SNX29: variants seen among roughly 807,000 people sequenced by gnomAD.
SNX29 encodes sorting nexin-29.
In SNX29, 78 loss-of-function variants were observed where a neutral mutation model predicts 102.1. The ratio of observed to expected loss-of-function variants is 0.76; its 90% CI spans 0.64 to 0.92. SNX29 has a LOEUF of 0.92. Among genes scored for constraint, SNX29 ranks in the 40% least tolerant of loss-of-function variants. The pLI is 0.00. For synonymous variants in SNX29, 580 were observed against 414.5 expected, an observed-to-expected ratio of 1.40 and a Z score of -4.85; for missense variants, 1,280 against 1,061.7, an observed-to-expected ratio of 1.21 and a Z score of -2.86.
chr16:12,078,783 G>T (rs1333030650), intron 10 of SNX29, 50 bp from the exon 11 acceptor site: 8 of 1,490,386 alleles, frequency 5.4e-6, no homozygotes, highest in Non-Finnish European at 7.4e-6. Context: ...TGGTGAGGGT[G>T]TGTACTTTCA....
At position 12,041,853 on chromosome 16, in the gene SNX29, A is replaced by G. The variant is rs140863143; in HGVS notation, c.248-1044A>G. Among the ~76,000 whole-genome samples, 450 of 152,302 alleles carry G rather than the reference A, an allele frequency of 3.0e-3. 3 individuals carry two copies. Among genetic ancestry groups the G allele is most frequent in the African/African-American group, 0.01 (420 of 41,568 alleles). On this transcript the variant is annotated intron_variant, in intron 4 of 20. Transcript: ENST00000566228. The stretch of plus-strand genomic sequence containing the variant: ...GAGAATTCTGGAGCTTAGGACGTCG[A>G]TATGTTTGAGGATTATAATTCAGCC...
intron 13 of SNX29, among the ~76,000 whole-genome samples, chr16:12,152,317 C>G (rs1273650786): frequency 6.6e-6 from 1 of 152,180 alleles, no homozygotes; most frequent in Non-Finnish European, 1.5e-5. Context: ...GTACCAAGCA[C>G]ATGTTGGAAT....
chr16:12,489,939 G>T (rs2088457972), intron 19 of SNX29, among the ~76,000 whole-genome samples: 1 of 152,070 alleles, frequency 6.6e-6, no homozygotes, highest in East Asian at 1.9e-4. Flanking sequence ...CTGAGTAGCT[G>T]GGACTATAGG....
intron 3 of SNX29, among the ~76,000 whole-genome samples, chr16:12,015,637 ACC>A (rs2056823108): frequency 6.8e-6 from 1 of 147,352 alleles, no homozygotes; most frequent in African/African-American, 2.5e-5. Context: ...CCGGGTTCAC[ACC>A]ATTCTCCTGT....
intron 11 of SNX29, chr16:12,090,002 T>C (rs1234782936): frequency 5.3e-6 from 1 of 188,398 alleles, no homozygotes; most frequent in Admixed American, 6.2e-5. Context: ...CCGTGAGTCA[T>C]AGAGCTGTGC....
chr16:12,561,642 C>A (rs1000213167), intron 20 of SNX29, among the ~76,000 whole-genome samples: 2 of 152,186 alleles, frequency 1.3e-5, no homozygotes, highest in Non-Finnish European at 2.9e-5. Context: ...TTAAAAAGAA[C>A]AGCCACTCCT....
intron 11 of SNX29, among the ~76,000 whole-genome samples, chr16:12,118,088 C>G (rs1347799794): frequency 1.3e-5 from 2 of 152,144 alleles, no homozygotes; most frequent in African/African-American, 2.4e-5. Flanking sequence ...CAGAGCGAGA[C>G]TCTGTCTCAA....
At chr16:12,434,628 A>T (rs763253688) in intron 18 of SNX29, among the ~76,000 whole-genome samples, 42 of 152,092 alleles carry the variant, frequency 2.8e-4, no homozygotes, top group Admixed American at 7.9e-4. Context: ...CCACCCAAAG[A>T]CAGTTCCTCC....
At chr16:12,048,228 A>G (rs529673568) in intron 6 of SNX29, 144 bp from the exon 7 acceptor site, 4 of 1,197,194 alleles carry the variant, frequency 3.3e-6, no homozygotes, top group East Asian at 4.8e-5. Context: ...GCTCCCTGCA[A>G]CGTCCGCATG....
At position 12,563,430 on chromosome 16, in the gene SNX29, A is replaced by T. The variant is rs546004836; in HGVS notation, c.2319-5076A>T. 6.6e-5 allele frequency among the ~76,000 whole-genome samples: 10 copies of T among 152,332 alleles called. No homozygotes were observed. The East Asian group carries it at 1.7e-3, about 26-fold the overall frequency. ...GCGACTGGATTTTGTTCCTTGCGGT[A>T]TGTCCTTTGCAGGTAAATTTAGGAA... is the stretch of plus-strand genomic sequence containing the variant. On this transcript the variant is annotated intron_variant, in intron 20 of 20. Transcript: ENST00000566228.
At chr16:12,233,739 G>T (rs2077840282) in intron 14 of SNX29, among the ~76,000 whole-genome samples, 1 of 151,998 alleles carries the variant, frequency 6.6e-6, no homozygotes, top group African/African-American at 2.4e-5. Context: ...CCCTCACAAA[G>T]AAGCCCATTT....
intron 11 of SNX29, among the ~76,000 whole-genome samples, chr16:12,088,433 TAGAA>T (rs894436775): frequency 2.6e-5 from 4 of 152,076 alleles, no homozygotes; most frequent in African/African-American, 9.7e-5. Flanking sequence ...TTCTTATACT[TAGAA>T]AGGATTTTTA....
chr16:12,396,573 T>C (rs1250637090), intron 16 of SNX29, among the ~76,000 whole-genome samples: 1 of 152,188 alleles, frequency 6.6e-6, no homozygotes, highest in East Asian at 1.9e-4. Context: ...AGAGCAGCCC[T>C]ACAGTGTCTG....
At chr16:12,255,085 G>A (rs1310570080) in intron 14 of SNX29, among the ~76,000 whole-genome samples, 6 of 152,214 alleles carry the variant, frequency 3.9e-5, no homozygotes, top group African/African-American at 1.2e-4. Flanking sequence ...TCTGTACGTT[G>A]TGAAATGATT....
chr16:12,365,743 C>T (rs1439983436), intron 16 of SNX29, among the ~76,000 whole-genome samples: 4 of 144,816 alleles, frequency 2.8e-5, no homozygotes, highest in African/African-American at 1.0e-4. Flanking sequence ...GGCAGAGTTG[C>T]CCAAAAGCAG....
At chr16:12,429,498 G>A (rs897060441) in intron 18 of SNX29, among the ~76,000 whole-genome samples, 4 of 152,174 alleles carry the variant, frequency 2.6e-5, no homozygotes, top group Non-Finnish European at 4.4e-5. Context: ...ATAGCTCACT[G>A]AAGCCTCAAA....
intron 15 of SNX29, among the ~76,000 whole-genome samples, chr16:12,355,564 G>A (rs1335744229): frequency 6.6e-6 from 1 of 152,166 alleles, no homozygotes; most frequent in Non-Finnish European, 1.5e-5. Flanking sequence ...CTTGGAGAGT[G>A]TAGCAGGATT....
chr16:12,404,889 C>T (rs2084100876), intron 18 of SNX29, among the ~76,000 whole-genome samples: 1 of 152,186 alleles, frequency 6.6e-6, no homozygotes, highest in African/African-American at 2.4e-5. Context: ...GCATAATATG[C>T]ACATCTTACT....
At chr16:12,321,754 C>G (rs774955654) in intron 15 of SNX29, among the ~76,000 whole-genome samples, 2 of 152,132 alleles carry the variant, frequency 1.3e-5, no homozygotes, top group African/African-American at 4.8e-5. Context: ...AAACAGATGG[C>G]AGGTGTAAGA....
Sources: gnomAD v4.1 joint callset for allele counts (sites outside exome capture counted in the v4.1 genomes callset) on GRCh38, gnomAD v4.1.1 for gene constraint, MANE v1.5 for transcripts, NCBI Gene and HGNC (gene_info 2026-07-23, HGNC 2026-07-21) for gene names.